The following MYLK variants were observed in gnomAD, a reference collection of about 807,000 sequenced individuals.
MYLK encodes the protein myosin light chain kinase, smooth muscle.
In MYLK, 106 loss-of-function variants were observed where a neutral mutation model predicts 203.4. That is an observed-to-expected ratio of 0.52 (90% CI 0.45 to 0.61). The LOEUF (loss-of-function observed/expected upper bound fraction) is 0.61, where lower values mean the gene tolerates loss of function less well. Among genes scored for constraint, MYLK ranks in the 20% least tolerant of loss-of-function variants. The probability of loss-of-function intolerance (pLI) is 0.00; values close to 1 mark genes in which losing one functional copy is unlikely to be tolerated. For missense variants in MYLK, 2,072 were observed against 2,442.3 expected (o/e 0.85, Z 3.20); for synonymous variants, 867 against 959.5 (o/e 0.90, Z 1.78).
At chr3:123,788,419 A>G (rs1300754242) in intron 4 of MYLK, among the ~76,000 whole-genome samples, 3 of 148,058 alleles carry the variant, frequency 2.0e-5, no homozygotes, top group Non-Finnish European at 3.0e-5. Flanking sequence ...TTTAAGTTCT[A>G]GGGTACATGT....
At chr3:123,751,618 G>A (rs2063195699) in intron 5 of MYLK, among the ~76,000 whole-genome samples, 1 of 152,182 alleles carries the variant, frequency 6.6e-6, no homozygotes, top group Non-Finnish European at 1.5e-5. Context: ...TATCTACCAT[G>A]TGCCAGGAAG....
In MYLK at chr3:123,643,406, G is replaced by A. The variant is rs377111723; in HGVS notation, c.4620-2902C>T. Among the ~76,000 whole-genome samples the A allele has an allele frequency of 2.6e-5, 4 of 152,344 alleles. No individual in the cohort carries two copies. In the South Asian group the frequency reaches 8.3e-4, roughly 32 times the overall value. The stretch of plus-strand genomic sequence containing the variant: ...GTGAGTGGTGGGAATCTGAGCCATG[G>A]AGATAATTCCTGCTGCATTTCTGGA... On this transcript the variant is annotated intron_variant, in intron 27 of 33. Transcript: ENST00000360304.
chr3:123,776,418 C>G (rs940614385), intron 4 of MYLK, among the ~76,000 whole-genome samples: 7 of 152,304 alleles, frequency 4.6e-5, no homozygotes, highest in Admixed American at 3.3e-4. Context: ...CACCTCTCTT[C>G]TGCCAACTAA....
At chr3:123,690,631 A>G (rs964933982) in intron 19 of MYLK, among the ~76,000 whole-genome samples, 2 of 152,132 alleles carry the variant, frequency 1.3e-5, no homozygotes, top group African/African-American at 4.8e-5. Context: ...ATAAAGCTAA[A>G]TGTGGGCAAA....
rs149647274 is a variant in MYLK, at chr3:123,852,755, C to T, written c.-126-21085G>A. Among the ~76,000 whole-genome samples the T allele has an allele frequency of 5.3e-3, 811 of 152,142 alleles. 6 individuals are homozygous for T. The highest frequency in any genetic ancestry group is 0.018 in the African/African-American group (740 of 41,526). ...CTAAGTAGATCTCCAGACAGAATTT[C>T]GAAAGTGTCATTTAGGAGCTCTTAA... On this transcript the variant is annotated intron_variant, in intron 2 of 33. Coordinates refer to ENST00000360304, the MANE Select transcript of MYLK (RefSeq NM_053025.4).
chr3:123,793,745 G>A lies in MYLK; in HGVS notation c.97C>T (p.Pro33Ser), dbSNP rs770959360. The change falls in exon 4 of 34, where the codon CCT becomes TCT. Residue 33 changes from proline to serine, a missense_variant. Physicochemically the swap from Pro to Ser is moderately conservative, Grantham distance 74. Around this residue, in one of 3 missense-constraint regions of MYLK, gnomAD observed 683 missense variants for 643.8 expected, o/e 1.06. Transcript: ENST00000360304. ...TTCCGAGGGGGCAAAATGAAAGCAG[G>A]GGCCTCTGTCAGGGGCATGGAGTCA... ...RVDSMPLTEA[P>S]AFILPPRNLC... 13 of 1,614,036 alleles carry A rather than the reference G, an allele frequency of 8.1e-6. No homozygotes were observed. Among genetic ancestry groups the A allele is most frequent in the African/African-American group, 2.7e-5 (2 of 74,902 alleles).
At chr3:123,657,506 T>G (rs2059425407) in intron 23 of MYLK, 78 bp from the exon 24 acceptor site, 1 of 1,470,942 alleles carries the variant, frequency 6.8e-7, no homozygotes. Context: ...ACCTGTGTCA[T>G]GGGGGGAAGG....
At chr3:123,636,868 G>A (rs1559996497) in intron 29 of MYLK, among the ~76,000 whole-genome samples, 1 of 152,232 alleles carries the variant, frequency 6.6e-6, no homozygotes, top group South Asian at 2.1e-4. Context: ...TGCCTGTGGT[G>A]CAGGTTCCAC....
chr3:123,628,580 A>G (rs748356271), intron 30 of MYLK, among the ~76,000 whole-genome samples: 5 of 152,124 alleles, frequency 3.3e-5, no homozygotes, highest in Non-Finnish European at 5.9e-5. Context: ...GAGCTGCCCA[A>G]TAGGCCAGCT....
chr3:123,782,675 C>G (rs939317181), intron 4 of MYLK, among the ~76,000 whole-genome samples: 1 of 152,122 alleles, frequency 6.6e-6, no homozygotes, highest in Non-Finnish European at 1.5e-5. Flanking sequence ...TATCTCTCAT[C>G]GGTCATTTTG....
rs1235785424 is a variant in MYLK, at chr3:123,611,986, A to T, written c.*2119T>A. ...TGCTTTGCTCACTTGCCCACTGCTA[A>T]CCTCCTTATGTGTGACCTGGTTCCT... On this transcript the variant is annotated 3_prime_UTR_variant, in exon 34 of 34. Coordinates refer to ENST00000360304, the MANE Select transcript of MYLK (RefSeq NM_053025.4). 2.6e-5 allele frequency: 4 copies of T among 152,208 alleles called. No homozygotes were observed. The highest frequency in any genetic ancestry group is 2.9e-5 in the Non-Finnish European group (2 of 68,102). 9.4% of individuals were successfully genotyped at this position (152,208 alleles called of 1,614,324 possible). A position where few individuals can be genotyped will look rare whatever the true frequency, so the allele number is the denominator to read the frequency against.
At chr3:123,844,672 C>A (rs1351959689) in intron 2 of MYLK, among the ~76,000 whole-genome samples, 5 of 152,216 alleles carry the variant, frequency 3.3e-5, no homozygotes, top group South Asian at 4.1e-4. Flanking sequence ...TGTCTGCACC[C>A]AGCCCACTCT....
At chr3:123,769,248 T>C (rs990322349) in intron 4 of MYLK, among the ~76,000 whole-genome samples, 1 of 152,216 alleles carries the variant, frequency 6.6e-6, no homozygotes, top group Non-Finnish European at 1.5e-5. Flanking sequence ...GTTGGTGCTA[T>C]AAAAGTTTCA....
At chr3:123,727,488 T>C (rs1212512551) in intron 11 of MYLK, among the ~76,000 whole-genome samples, 1 of 152,242 alleles carries the variant, frequency 6.6e-6, no homozygotes, top group African/African-American at 2.4e-5. Flanking sequence ...TATTCTTATC[T>C]AGGAAATGGG....
chr3:123,788,943 C>CT lies in MYLK; in HGVS notation c.165+4733dup, dbSNP rs146552211. 5.1e-4 allele frequency among the ~76,000 whole-genome samples: 77 copies of CT among 151,456 alleles called. No homozygotes were observed. The East Asian group carries it at 7.0e-3, about 14-fold the overall frequency. ...CAGCCAGGGCTTGTCACCATGTTTG[C>CT]TTTTTTTTTCTGATAAGAATAAATT... On this transcript the variant is annotated intron_variant, in intron 4 of 33. Coordinates refer to ENST00000360304, the MANE Select transcript of MYLK (RefSeq NM_053025.4).
intron 7 of MYLK, among the ~76,000 whole-genome samples, chr3:123,738,608 G>A (rs2062758037): frequency 1.3e-5 from 2 of 152,124 alleles, no homozygotes; most frequent in African/African-American, 4.8e-5. Flanking sequence ...GAATCATAGG[G>A]TGGGTTTTCT....
rs1444232150 is a variant in MYLK, at chr3:123,752,530, A to G, written c.174T>C (p.Gly58=). ...ATAKFEGRVR[G]YPEPQVTWHR... is the part of the protein sequence containing the mutation. ...GCCATGTCACCTGGGGCTCTGGGTA[A>G]CCCCGGACCTTCAAGAAAAAGAAGA... The change falls in exon 5 of 34, where the codon GGT becomes GGC. Residue 58 remains glycine (G), a synonymous_variant. Transcript: ENST00000360304. 2.5e-6 allele frequency: 4 copies of G among 1,613,092 alleles called. No homozygotes were observed. The highest frequency in any genetic ancestry group is 3.4e-6 in the Non-Finnish European group (4 of 1,179,856).
intron 11 of MYLK, 105 bp downstream of exon 11, chr3:123,732,791 A>C: frequency 8.7e-7 from 1 of 1,144,370 alleles, no homozygotes; most frequent in Non-Finnish European, 1.3e-6. Flanking sequence ...CGGGCTGTGC[A>C]CCAAGGCAGG....
intron 4 of MYLK, among the ~76,000 whole-genome samples, chr3:123,754,624 C>T (rs1205298641): frequency 1.3e-5 from 2 of 152,166 alleles, no homozygotes; most frequent in African/African-American, 4.8e-5. Context: ...CAGGGTCTCA[C>T]AGCCACTGTA....
Sources: allele counts gnomAD v4.1 joint callset (sites outside exome capture counted in the v4.1 genomes callset), GRCh38; gene constraint gnomAD v4.1.1; regional missense constraint gnomAD v4.1.1; transcripts MANE v1.5; gene names NCBI Gene and HGNC (gene_info 2026-07-23, HGNC 2026-07-21).